Variants in NTRK2 observed in about 807,000 individuals in gnomAD.
The protein encoded by NTRK2 is BDNF/NT-3 growth factors receptor.
A neutral mutation model predicts 94.5 loss-of-function variants in NTRK2; 13 were observed. The observed-to-expected ratio is 0.14, with a 90% CI of 0.09 to 0.22. The LOEUF is 0.22. NTRK2 is among the 10% of genes least tolerant of loss of function. NTRK2 has a pLI of 1.00. For missense variants in NTRK2, 639 were observed against 1,071.2 expected, an observed-to-expected ratio of 0.60 and a Z score of 5.63; for synonymous variants, 372 against 407.4, an observed-to-expected ratio of 0.91 and a Z score of 1.05.
intron 12 of NTRK2, among the ~76,000 whole-genome samples, chr9:84,807,476 C>A (rs578122199): frequency 1.3e-5 from 2 of 152,190 alleles, no homozygotes; most frequent in Non-Finnish European, 2.9e-5. Context: ...TCAGCTAGTG[C>A]GTGCAATGGT....
At chr9:84,785,923 G>T (rs1456566803) in intron 12 of NTRK2, among the ~76,000 whole-genome samples, 1 of 152,146 alleles carries the variant, frequency 6.6e-6, no homozygotes, top group Non-Finnish European at 1.5e-5. Context: ...CTGGTGACTT[G>T]CACACAAGCG....
intron 14 of NTRK2, among the ~76,000 whole-genome samples, chr9:84,919,637 T>C (rs17331043): frequency 0.012 from 1,868 of 152,324 alleles, 18 homozygotes; most frequent in African/African-American, 0.02. Flanking sequence ...TTTATGAGCC[T>C]TCAAGTGCTG....
At chr9:84,681,697 C>G (rs765934520) in intron 2 of NTRK2, among the ~76,000 whole-genome samples, 4 of 152,202 alleles carry the variant, frequency 2.6e-5, no homozygotes, top group Non-Finnish European at 5.9e-5. Context: ...TGTCCCCTCT[C>G]TGCCCATACG....
intron 12 of NTRK2, among the ~76,000 whole-genome samples, chr9:84,807,620 C>A (rs1390765947): frequency 6.6e-6 from 1 of 152,178 alleles, no homozygotes; most frequent in Non-Finnish European, 1.5e-5. Flanking sequence ...ATAAGCTAGA[C>A]AGCTCGTTTG....
intron 15 of NTRK2, among the ~76,000 whole-genome samples, chr9:84,938,752 T>A (rs180712896): frequency 1.8e-4 from 28 of 152,052 alleles, no homozygotes; most frequent in Admixed American, 1.8e-3. Context: ...AATAGCCTTT[T>A]GATAAATAGA....
At chr9:84,949,748 G>A (rs1184526055) in intron 16 of NTRK2, among the ~76,000 whole-genome samples, 2 of 152,166 alleles carry the variant, frequency 1.3e-5, no homozygotes, top group Non-Finnish European at 2.9e-5. Flanking sequence ...AAACAGGCAT[G>A]AGCCACCACA....
At chr9:84,882,719 T>TGTGTGTGTGCGTGCGCGCGCGC (rs761042296) in intron 14 of NTRK2, among the ~76,000 whole-genome samples, 1 of 145,742 alleles carries the variant, frequency 6.9e-6, no homozygotes, top group African/African-American at 2.6e-5. Flanking sequence ...TGTGTGTGTG[T>TGTGTGTGTGCGTGCGCGCGCGC]GCGCGCGCGC....
rs1163821418 is a variant in NTRK2, at chr9:85,026,716, A to G, written c.*5279A>G. The G allele has an allele frequency of 8.6e-6, 2 of 232,882 alleles. No homozygotes were observed. Among genetic ancestry groups the G allele is most frequent in the East Asian group, 1.2e-4 (2 of 16,514 alleles). 14.4% of individuals were successfully genotyped at this position (232,882 alleles called of 1,614,324 possible). A position where few individuals can be genotyped will look rare whatever the true frequency, so the allele number is the denominator to read the frequency against. On this transcript the variant is annotated 3_prime_UTR_variant, in exon 19 of 19. Transcript: ENST00000277120. ...TTGTATATATCCAGGCCGTATACAC[A>G]CACATTTCCATATCTCTCTACAGAT...
intron 17 of NTRK2, among the ~76,000 whole-genome samples, chr9:84,981,504 T>A (rs1038231335): frequency 2.6e-5 from 4 of 152,230 alleles, no homozygotes; most frequent in Non-Finnish European, 4.4e-5. Context: ...TGTGTATATA[T>A]GATTAAGCAA....
intron 15 of NTRK2, among the ~76,000 whole-genome samples, chr9:84,938,913 G>A (rs2078300990): frequency 6.6e-6 from 1 of 151,910 alleles, no homozygotes; most frequent in African/African-American, 2.4e-5. Flanking sequence ...TTAGCTGAGT[G>A]TGGTGGCATG....
chr9:84,755,647 A>G (rs1330898574), intron 12 of NTRK2, among the ~76,000 whole-genome samples: 1 of 149,998 alleles, frequency 6.7e-6, no homozygotes, highest in African/African-American at 2.5e-5. Context: ...GTTTTCAACA[A>G]TCGTCATTGT....
chr9:84,680,187 T>C (rs2059309113), intron 2 of NTRK2, among the ~76,000 whole-genome samples: 2 of 152,228 alleles, frequency 1.3e-5, no homozygotes, highest in Admixed American at 6.5e-5. Context: ...ACTAGTGTTA[T>C]TGAGGACATG....
intron 14 of NTRK2, among the ~76,000 whole-genome samples, chr9:84,903,370 A>G (rs976482900): frequency 6.6e-6 from 1 of 152,228 alleles, no homozygotes; most frequent in East Asian, 1.9e-4. Flanking sequence ...GATGGAAGCC[A>G]TAGGAAAGGA....
chr9:84,786,553 T>C (rs1057104718), intron 12 of NTRK2, among the ~76,000 whole-genome samples: 1 of 152,236 alleles, frequency 6.6e-6, no homozygotes, highest in African/African-American at 2.4e-5. Context: ...AAATAGGATA[T>C]GTTGTTTTCT....
chr9:84,675,390 T>C (rs1042131774), intron 2 of NTRK2, among the ~76,000 whole-genome samples: 1 of 146,350 alleles, frequency 6.8e-6, no homozygotes, highest in African/African-American at 2.5e-5. Context: ...TTTTAACTCA[T>C]TGGTCATCTT....
intron 12 of NTRK2, among the ~76,000 whole-genome samples, chr9:84,759,983 G>A (rs1429620445): frequency 1.3e-5 from 2 of 152,132 alleles, no homozygotes; most frequent in African/African-American, 4.8e-5. Flanking sequence ...ATGACTATGG[G>A]AATACATTTA....
intron 17 of NTRK2, among the ~76,000 whole-genome samples, chr9:85,008,093 T>A (rs752701788): frequency 1.3e-5 from 2 of 152,052 alleles, no homozygotes; most frequent in African/African-American, 2.4e-5. Context: ...CATGTGATCC[T>A]CTGGACACAC....
At chr9:84,845,947 A>G (rs1323793372) in intron 12 of NTRK2, among the ~76,000 whole-genome samples, 1 of 152,122 alleles carries the variant, frequency 6.6e-6, no homozygotes, top group Non-Finnish European at 1.5e-5. Context: ...AAGAAGCCAT[A>G]AAGTGTTACA....
intron 14 of NTRK2, among the ~76,000 whole-genome samples, chr9:84,888,649 A>AAAAAAAAT (rs2076494237): frequency 2.1e-5 from 3 of 141,090 alleles, no homozygotes; most frequent in Non-Finnish European, 4.6e-5. Flanking sequence ...AAAAAAAAAA[A>AAAAAAAAT]GTGGCAGAGA....
Sources: gnomAD v4.1 joint callset for allele counts (sites outside exome capture counted in the v4.1 genomes callset) on GRCh38, gnomAD v4.1.1 for gene constraint, MANE v1.5 for transcripts, NCBI Gene and HGNC (gene_info 2026-07-23, HGNC 2026-07-21) for gene names.